The following GATAD2A variants were observed in gnomAD, a reference collection of about 807,000 sequenced individuals.
The protein encoded by GATAD2A is transcriptional repressor p66-alpha.
In GATAD2A, 12 loss-of-function variants were observed where a neutral mutation model predicts 68.5. The ratio of observed to expected loss-of-function variants is 0.18; its 90% confidence interval spans 0.11 to 0.28. The LOEUF (loss-of-function observed/expected upper bound fraction) is 0.28, where lower values mean the gene tolerates loss of function less well. Among genes scored for constraint, GATAD2A ranks in the 10% least tolerant of loss-of-function variants. The probability of loss-of-function intolerance (pLI) is 1.00; values close to 1 mark genes in which losing one functional copy is unlikely to be tolerated. For missense variants in GATAD2A, 755 were observed against 868.5 expected, an observed-to-expected ratio of 0.87 and a Z score of 1.64; for synonymous variants, 410 against 375.3, an observed-to-expected ratio of 1.09 and a Z score of -1.07.
chr19:19,486,144 T>C (rs2059412418), intron 2 of GATAD2A, among the ~76,000 whole-genome samples: 1 of 152,208 alleles, frequency 6.6e-6, no homozygotes, highest in South Asian at 2.1e-4. Flanking sequence ...GGTTTGTGAA[T>C]GTTCAGGTGT....
intron 1 of GATAD2A, among the ~76,000 whole-genome samples, chr19:19,438,685 T>TC (rs985298329): frequency 3.9e-5 from 6 of 152,178 alleles, no homozygotes; most frequent in African/African-American, 1.4e-4. Context: ...GCCATAGCAT[T>TC]CAGGCAGTCA....
intron 1 of GATAD2A, among the ~76,000 whole-genome samples, chr19:19,454,728 G>GCAC (rs566507943): frequency 8.2e-6 from 1 of 121,616 alleles, no homozygotes; most frequent in East Asian, 2.4e-4. Flanking sequence ...GAGCCACTGT[G>GCAC]CCCCCCCCCA....
chr19:19,436,933 C>T (rs2054428159), intron 1 of GATAD2A, among the ~76,000 whole-genome samples: 1 of 152,208 alleles, frequency 6.6e-6, no homozygotes, highest in South Asian at 2.1e-4. Flanking sequence ...CCCCATCGAA[C>T]AGGATCTTGC....
intron 2 of GATAD2A, among the ~76,000 whole-genome samples, chr19:19,479,520 T>C (rs1409664104): frequency 2.0e-5 from 3 of 152,240 alleles, no homozygotes; most frequent in Non-Finnish European, 4.4e-5. Flanking sequence ...TCTCGTACTT[T>C]CTTTGTTTTG....
At chr19:19,437,303 G>A (rs1312442312) in intron 1 of GATAD2A, among the ~76,000 whole-genome samples, 1 of 151,994 alleles carries the variant, frequency 6.6e-6, no homozygotes, top group Non-Finnish European at 1.5e-5. Flanking sequence ...GCTAATTTTT[G>A]TATTTTTTGT....
In GATAD2A at chr19:19,456,140, C is replaced by T. The variant is rs957639196; in HGVS notation, c.-6-9200C>T. 2.6e-4 allele frequency among the ~76,000 whole-genome samples: 36 copies of T among 136,166 alleles called. 1 individual carries two copies. Among genetic ancestry groups the T allele is most frequent in the Admixed American group, 8.0e-5 (1 of 12,434 alleles). 89.3% of individuals were successfully genotyped at this position (136,166 alleles called of 152,430 possible). A position where few individuals can be genotyped will look rare whatever the true frequency, so the allele number is the denominator to read the frequency against. On this transcript the variant is annotated intron_variant, in intron 1 of 11. Transcript: ENST00000683918. Reference sequence around the variant, plus strand: ...CTGCACTCCAGCCTGAGCGACACAGCGAGACTCCATCTCAAAAAAAAAAAA... The same window carrying T: ...CTGCACTCCAGCCTGAGCGACACAGTGAGACTCCATCTCAAAAAAAAAAAA...
At position 19,467,006 on chromosome 19, in the gene GATAD2A, C is replaced by T. The variant is rs543198584; in HGVS notation, c.269+1392C>T. On this transcript the variant is annotated intron_variant, in intron 2 of 11. Coordinates refer to ENST00000683918, the MANE Select transcript of GATAD2A (RefSeq NM_001384528.1). ...TGTGCATTCCTGGGTTGCTGACATGCATTTTCTCCTGTAATCACCATGTTC... is the reference window on the plus strand; with the variant it reads ...TGTGCATTCCTGGGTTGCTGACATGTATTTTCTCCTGTAATCACCATGTTC... 2.6e-5 allele frequency among the ~76,000 whole-genome samples: 4 copies of T among 152,292 alleles called. No individual in the cohort carries two copies. In the South Asian group the frequency reaches 8.3e-4, roughly 32 times the overall value.
rs369618652 is a variant in GATAD2A at position 19,437,102 on chromosome 19, CAA to C, written c.-6-28235_-6-28234del. Among the ~76,000 whole-genome samples, 1,273 of 152,264 alleles carry C rather than the reference CAA, an allele frequency of 8.4e-3. 19 individuals carry two copies. The highest frequency in any genetic ancestry group is 0.029 in the African/African-American group (1,219 of 41,542). On this transcript the variant is annotated intron_variant, in intron 1 of 11. Transcript: ENST00000683918. ...AAACATTTCCAGAATGTTCTCCAAACAAAATGAAACTTTCGTGGTACTTATAT... is the reference window on the plus strand; with the variant it reads ...AAACATTTCCAGAATGTTCTCCAAACAATGAAACTTTCGTGGTACTTATAT...
Position 19,496,147 on chromosome 19 carries a change from G to C in GATAD2A, c.852G>C (p.Gln284His), listed in dbSNP as rs1382229425. The change falls in exon 7 of 12, where the codon CAG becomes CAC. Residue 284 changes from glutamine to histidine, a missense_variant. Gln to His is a conservative substitution (Grantham distance 24). Transcript: ENST00000683918. The stretch of plus-strand genomic sequence containing the variant: ...TGCCCAGTGTGCAGATTCAGGGACA[G>C]AGGATCATCCAGCAGGGCCTCATCC... ...ASVPSVQIQG[Q>H]RIIQQGLIRV... The C allele has an allele frequency of 6.2e-7, 1 of 1,613,820 alleles. No homozygotes were observed. Among genetic ancestry groups the C allele is most frequent in the Non-Finnish European group, 8.5e-7 (1 of 1,180,002 alleles).
chr19:19,501,918 G>T, intron 9 of GATAD2A, 51 bp from the exon 10 acceptor site: 2 of 1,451,476 alleles, frequency 1.4e-6, no homozygotes, highest in South Asian at 1.1e-5. Flanking sequence ...CGGTCACCCT[G>T]GGCCGGCCAG....
chr19:19,498,314 T>C (rs2060284977), intron 7 of GATAD2A, 129 bp from the exon 8 acceptor site: 3 of 819,636 alleles, frequency 3.7e-6, no homozygotes. Context: ...TGGGTTCACT[T>C]TTGTTAAGGA....
At chr19:19,449,481 G>A (rs2056132040) in intron 1 of GATAD2A, among the ~76,000 whole-genome samples, 1 of 151,944 alleles carries the variant, frequency 6.6e-6, no homozygotes, top group Non-Finnish European at 1.5e-5. Context: ...CACATGCCAC[G>A]AGACCTGGAA....
At chr19:19,463,767 T>C (rs2057653438) in intron 1 of GATAD2A, among the ~76,000 whole-genome samples, 1 of 152,174 alleles carries the variant, frequency 6.6e-6, no homozygotes, top group South Asian at 2.1e-4. Context: ...AGGGATTTCC[T>C]GGCCTTGAGG....
At chr19:19,495,671 AT>A (rs2060101691) in intron 5 of GATAD2A, 82 bp from the exon 6 acceptor site, 35 of 1,232,780 alleles carry the variant, frequency 2.8e-5, no homozygotes, top group Non-Finnish European at 3.8e-5. Flanking sequence ...ATGTACTTTC[AT>A]AAAAGCAGCA....
intron 11 of GATAD2A, among the ~76,000 whole-genome samples, chr19:19,503,375 A>G (rs1227953744): frequency 6.6e-6 from 1 of 151,910 alleles, no homozygotes; most frequent in African/African-American, 2.4e-5. Flanking sequence ...CCGCTGTCCT[A>G]AGTGAGGGGC....
chr19:19,386,813 GAACT>G (rs2048465451), intron 1 of GATAD2A, among the ~76,000 whole-genome samples: 1 of 151,998 alleles, frequency 6.6e-6, no homozygotes, highest in Non-Finnish European at 1.5e-5. Flanking sequence ...CCTTTGACAG[GAACT>G]AACTCCCTTC....
chr19:19,388,620 C>T (rs973142785), intron 1 of GATAD2A, among the ~76,000 whole-genome samples: 7 of 151,800 alleles, frequency 4.6e-5, no homozygotes, highest in Non-Finnish European at 7.4e-5. Flanking sequence ...ATTTTCCAGC[C>T]GTGAGGCCAT....
chr19:19,475,171 G>A lies in GATAD2A; in HGVS notation c.269+9557G>A, dbSNP rs370348495. Among the ~76,000 whole-genome samples the A allele has an allele frequency of 2.4e-4, 37 of 152,256 alleles. No individual in the cohort carries two copies. The East Asian group carries it at 5.6e-3, about 23-fold the overall frequency. On this transcript the variant is annotated intron_variant, in intron 2 of 11. Coordinates refer to ENST00000683918, the MANE Select transcript of GATAD2A (RefSeq NM_001384528.1). The stretch of plus-strand genomic sequence containing the variant: ...CGCAGCTGCTCCCGGCCCGCCGGCC[G>A]GCTGTCTACAGGAATGCACGTCCTT...
upstream of GATAD2A, among the ~76,000 whole-genome samples, chr19:19,403,936 G>A (rs550047727): frequency 2.6e-5 from 4 of 152,246 alleles, no homozygotes; most frequent in East Asian, 7.7e-4. Flanking sequence ...TGTTTGTTTG[G>A]TTTCTGAATT....
Sources: allele counts gnomAD v4.1 joint callset (sites outside exome capture counted in the v4.1 genomes callset), GRCh38; gene constraint gnomAD v4.1.1; transcripts MANE v1.5; gene names NCBI Gene and HGNC (gene_info 2026-07-23, HGNC 2026-07-21).